The following IQSEC1 variants were observed in gnomAD, a reference collection of about 807,000 sequenced individuals.
IQSEC1 encodes IQ motif and SEC7 domain-containing protein 1.
Under a neutral mutation model 91.0 loss-of-function variants are expected in IQSEC1, and 31 were observed. That is an observed-to-expected ratio of 0.34 (90% CI 0.26 to 0.46). The LOEUF is 0.46. IQSEC1 is among the 20% of genes least tolerant of loss of function. The pLI, the probability that IQSEC1 is intolerant of heterozygous loss-of-function variation, is 1.00. For missense variants in IQSEC1, 1,388 were observed against 1,575.6 expected (o/e 0.88, Z 2.02); for synonymous variants, 699 against 662.6 (o/e 1.05, Z -0.84).
At chr3:13,094,169 G>A (rs1212033595) in intron 2 of IQSEC1, among the ~76,000 whole-genome samples, 2 of 152,202 alleles carry the variant, frequency 1.3e-5, no homozygotes, top group African/African-American at 2.4e-5. Context: ...GATGGTAGCA[G>A]GTGGCACCTC....
intron 2 of IQSEC1, among the ~76,000 whole-genome samples, chr3:13,114,963 C>A (rs992371720): frequency 6.6e-6 from 1 of 152,036 alleles, no homozygotes; most frequent in Non-Finnish European, 1.5e-5. Context: ...GAGCAGCCTG[C>A]GTGGGTGAGT....
intron 1 of IQSEC1, among the ~76,000 whole-genome samples, chr3:12,944,567 C>T (rs903074670): frequency 6.6e-6 from 1 of 152,196 alleles, no homozygotes; most frequent in African/African-American, 2.4e-5. Flanking sequence ...CGGCTCGCCT[C>T]GTCTTTGCAG....
intron 1 of IQSEC1, among the ~76,000 whole-genome samples, chr3:13,258,115 C>T (rs1428976840): frequency 1.3e-5 from 2 of 151,986 alleles, no homozygotes; most frequent in African/African-American, 2.4e-5. Context: ...TTGCGGGGGG[C>T]GGGGGCAGAA....
In IQSEC1 at chr3:12,935,380, C is replaced by T; in HGVS notation, c.1568+68G>A. 1 of 1,478,958 alleles carries T rather than the reference C, an allele frequency of 6.8e-7. No homozygotes were observed. Among genetic ancestry groups the T allele is most frequent in the Non-Finnish European group, 9.2e-7 (1 of 1,082,356 alleles). 91.6% of individuals were successfully genotyped at this position (1,478,958 alleles called of 1,614,324 possible). On this transcript the variant is annotated intron_variant, in intron 3 of 13. Coordinates refer to ENST00000613206, the MANE Select transcript of IQSEC1 (RefSeq NM_001134382.3). This position sits in a 1 kb window ranked among gnomAD's most constrained non-coding sequence, Gnocchi z 8.0. The stretch of plus-strand genomic sequence containing the variant: ...AAGCTCCGTGCTTGGAAGGATGCAG[C>T]CACGCCCACCCGCCAAGGCCCAGCA...
intron 2 of IQSEC1, among the ~76,000 whole-genome samples, chr3:13,122,002 G>A (rs901115991): frequency 6.6e-5 from 10 of 152,270 alleles, no homozygotes; most frequent in African/African-American, 2.4e-4. Context: ...GGCGCAGGCA[G>A]GAGCTGACAG....
chr3:13,153,568 C>A (rs1233835851), intron 2 of IQSEC1, among the ~76,000 whole-genome samples: 8 of 152,164 alleles, frequency 5.3e-5, no homozygotes, highest in Admixed American at 2.6e-4. Flanking sequence ...TGTGTTCCTG[C>A]CACTCTGGCT....
intron 2 of IQSEC1, among the ~76,000 whole-genome samples, chr3:13,128,532 T>A (rs1706555223): frequency 6.6e-6 from 1 of 152,232 alleles, no homozygotes; most frequent in South Asian, 2.1e-4. Flanking sequence ...GTAATTTTTT[T>A]ATACATTGAT....
upstream of IQSEC1, among the ~76,000 whole-genome samples, chr3:13,073,884 G>A (rs115679614): frequency 7.0e-3 from 1,066 of 152,350 alleles, 13 homozygotes; most frequent in African/African-American, 0.024. Context: ...GCTATACCAC[G>A]GGGTTCCAGG....
At chr3:13,281,114 A>C (rs572962672) in intron 1 of IQSEC1, among the ~76,000 whole-genome samples, 21 of 152,316 alleles carry the variant, frequency 1.4e-4, no homozygotes, top group African/African-American at 4.8e-4. Context: ...CCAACGTGTC[A>C]CTGCTTCCCA....
intron 1 of IQSEC1, among the ~76,000 whole-genome samples, chr3:13,247,127 GC>G (rs1160565418): frequency 2.6e-5 from 4 of 152,260 alleles, no homozygotes; most frequent in African/African-American, 9.6e-5. Flanking sequence ...TACCGGACTT[GC>G]CTAAAACCTG....
chr3:12,928,876 C>G (rs1321909691), intron 3 of IQSEC1, among the ~76,000 whole-genome samples: 1 of 152,180 alleles, frequency 6.6e-6, no homozygotes, highest in Non-Finnish European at 1.5e-5. Flanking sequence ...GTCTGTGTCA[C>G]TTCAAGGGGG....
At chr3:13,102,080 C>A (rs1441172585) in intron 2 of IQSEC1, among the ~76,000 whole-genome samples, 3 of 150,988 alleles carry the variant, frequency 2.0e-5, no homozygotes, top group African/African-American at 7.3e-5. Context: ...GAGTTTGAGA[C>A]CAGCCTGGGC....
intron 2 of IQSEC1, among the ~76,000 whole-genome samples, chr3:13,088,413 G>A (rs937943216): frequency 6.6e-6 from 1 of 152,026 alleles, no homozygotes; most frequent in Non-Finnish European, 1.5e-5. Context: ...AGGCCCACCA[G>A]CTTCCCGAAG....
chr3:12,986,079 A>T (rs950314073), intron 1 of IQSEC1, among the ~76,000 whole-genome samples: 2 of 152,144 alleles, frequency 1.3e-5, no homozygotes, highest in East Asian at 3.9e-4. Flanking sequence ...CTGAGGAGGG[A>T]GATGCTATTA....
intron 2 of IQSEC1, among the ~76,000 whole-genome samples, chr3:13,093,816 C>G (rs661639): frequency 0.058 from 8,760 of 152,248 alleles, 293 homozygotes; most frequent in African/African-American, 0.078. Flanking sequence ...TCCGCTAGGT[C>G]TCCCCCTGTC....
chr3:13,222,573 C>T lies in IQSEC1; in HGVS notation c.273-58440G>A, dbSNP rs115415302. On this transcript the variant is annotated intron_variant, in intron 1 of 15. Coordinates refer to the IQSEC1 transcript ENST00000648114. ...ACCGTTTCCCACGGCGGCTGCACCA[C>T]GTTACCTCCCCCCAGCAATGGAGCC... 3.8e-3 allele frequency among the ~76,000 whole-genome samples: 580 copies of T among 152,324 alleles called. 4 individuals carry two copies. The highest frequency in any genetic ancestry group is 0.013 in the African/African-American group (552 of 41,580).
upstream of IQSEC1, among the ~76,000 whole-genome samples, chr3:13,076,311 T>C (rs1338995412): frequency 6.6e-6 from 1 of 152,184 alleles, no homozygotes; most frequent in Non-Finnish European, 1.5e-5. Context: ...CCTTGCCTCA[T>C]CATTGTGGAC....
At chr3:13,064,046 A>G (rs1262016862) in intron 1 of IQSEC1, among the ~76,000 whole-genome samples, 1 of 152,012 alleles carries the variant, frequency 6.6e-6, no homozygotes, top group Admixed American at 6.6e-5. Context: ...TCTTATATAC[A>G]TCGTTTCCCC....
intron 1 of IQSEC1, among the ~76,000 whole-genome samples, chr3:13,035,102 C>T (rs1703986698): frequency 6.6e-6 from 1 of 152,240 alleles, no homozygotes; most frequent in Non-Finnish European, 1.5e-5. Context: ...TGAGACTTGA[C>T]AGCTTGAGTG....
Sources: allele counts gnomAD v4.1 joint callset (sites outside exome capture counted in the v4.1 genomes callset), GRCh38; gene constraint gnomAD v4.1.1; non-coding constraint Gnocchi (gnomAD v3.1); transcripts MANE v1.5; gene names NCBI Gene and HGNC (gene_info 2026-07-23, HGNC 2026-07-21).